ZFP14: variants seen among roughly 807,000 people sequenced by gnomAD.
The protein encoded by ZFP14 is zinc finger protein 14 homolog.
ZFP14 carries 22 observed loss-of-function variants against 54.5 expected under a neutral mutation model. That is an observed-to-expected ratio of 0.40 (90% confidence interval 0.29 to 0.58). The LOEUF (loss-of-function observed/expected upper bound fraction) is 0.58, where lower values mean the gene tolerates loss of function less well. Among genes scored for constraint, ZFP14 ranks in the 20% least tolerant of loss-of-function variants. ZFP14 has a pLI of 0.39. For synonymous variants in ZFP14, 159 were observed against 204.0 expected, an observed-to-expected ratio of 0.78 and a Z score of 1.88; for missense variants, 470 against 637.8, an observed-to-expected ratio of 0.74 and a Z score of 2.83.
Position 36,337,646 on chromosome 19 carries a change from G to C in ZFP14, c.*2578C>G, listed in dbSNP as rs2031229236. On this transcript the variant is annotated 3_prime_UTR_variant, in exon 5 of 5. Transcript: ENST00000270001. ...GGAACCAATTCCCCATGGATACCAA[G>C]GGATGACCATATACTGTTCATCTAG... 1 of 152,132 alleles carries C rather than the reference G, an allele frequency of 6.6e-6. No homozygotes were observed. The highest frequency in any genetic ancestry group is 2.4e-5 in the African/African-American group (1 of 41,424). 9.4% of individuals were successfully genotyped at this position (152,132 alleles called of 1,614,324 possible). A position where few individuals can be genotyped will look rare whatever the true frequency, so the allele number is the denominator to read the frequency against.
intron 1 of ZFP14, among the ~76,000 whole-genome samples, chr19:36,370,326 G>A (rs184388223): frequency 1.1e-3 from 168 of 152,190 alleles, no homozygotes; most frequent in South Asian, 7.7e-3. Flanking sequence ...CTAACACCAG[G>A]CCCGCCATAG....
chr19:36,354,127 C>T (rs2031575318), intron 4 of ZFP14, among the ~76,000 whole-genome samples: 2 of 134,606 alleles, frequency 1.5e-5, no homozygotes, highest in African/African-American at 5.5e-5. Context: ...AATCCCAACA[C>T]TTTGGGAGGC....
At chr19:36,343,160 G>A (rs1439874133) in intron 4 of ZFP14, among the ~76,000 whole-genome samples, 1 of 152,162 alleles carries the variant, frequency 6.6e-6, no homozygotes, top group Admixed American at 6.5e-5. Flanking sequence ...CCATCTATAG[G>A]ACAAAGTCCT....
intron 4 of ZFP14, among the ~76,000 whole-genome samples, chr19:36,345,074 C>T (rs182280221): frequency 6.6e-6 from 1 of 152,134 alleles, no homozygotes; most frequent in Non-Finnish European, 1.5e-5. Flanking sequence ...ACAGCCTGAC[C>T]CACTTGGAGA....
At position 36,340,635 on chromosome 19, in the gene ZFP14, T is replaced by C; in HGVS notation, c.1191A>G (p.Glu397=). 6.2e-7 allele frequency: 1 copy of C among 1,614,082 alleles called. No homozygotes were observed. Among genetic ancestry groups the C allele is most frequent in the Non-Finnish European group, 8.5e-7 (1 of 1,180,010 alleles). ...QRIHTREKPY[E]CMECWKTFSS... ...TAAAGGTCTTCCAACATTCCATACA[T>C]TCATAGGGTTTCTCACGAGTATGTA... is the stretch of plus-strand genomic sequence containing the variant. Residue 397 remains glutamate (E), a synonymous_variant, in exon 5 of 5, where the codon GAA becomes GAG. Transcript: ENST00000270001. The surrounding 1 kb of genome is among the most constrained non-coding windows in gnomAD (Gnocchi z 5.4).
At chr19:36,378,976 C>G (rs1172876668) in intron 1 of ZFP14, 187 bp downstream of exon 1, 1 of 152,322 alleles carries the variant, frequency 6.6e-6, no homozygotes. Context: ...CTGTATCTAA[C>G]TCGGAGCCAT....
intron 4 of ZFP14, among the ~76,000 whole-genome samples, chr19:36,352,940 CAA>C (rs35784696): frequency 2.3e-4 from 22 of 93,810 alleles, no homozygotes; most frequent in Non-Finnish European, 2.2e-4. Flanking sequence ...GACTCTGTCT[CAA>C]AAAAAAAAAA....
intron 1 of ZFP14, among the ~76,000 whole-genome samples, chr19:36,371,011 C>T (rs1163361821): frequency 2.6e-5 from 4 of 152,156 alleles, no homozygotes; most frequent in Non-Finnish European, 5.9e-5. Context: ...ACTTGTAATC[C>T]CAGCACTTTG....
rs2031277048 is a variant in ZFP14 at position 36,339,853 on chromosome 19, G to A, written c.*371C>T. On this transcript the variant is annotated 3_prime_UTR_variant, in exon 5 of 5. Transcript: ENST00000270001. Reference sequence around the variant, plus strand: ...ATTATATGTTATTTTATGCTACTAAGTCTGTGGTAATTTATTACGCAGCAA... The same window carrying A: ...ATTATATGTTATTTTATGCTACTAAATCTGTGGTAATTTATTACGCAGCAA... 1.8e-5 allele frequency: 3 copies of A among 165,536 alleles called. No homozygotes were observed. Among genetic ancestry groups the A allele is most frequent in the Admixed American group, 1.7e-4 (3 of 17,188 alleles). The allele number at this position is 165,536 out of a possible 1,614,324, so 10.3% of individuals were successfully genotyped here. A position where few individuals can be genotyped will look rare whatever the true frequency, so the allele number is the denominator to read the frequency against.
At chr19:36,369,290 C>T (rs1200131152) in intron 1 of ZFP14, among the ~76,000 whole-genome samples, 2 of 152,190 alleles carry the variant, frequency 1.3e-5, no homozygotes, top group Non-Finnish European at 2.9e-5. Flanking sequence ...GTAGTGCTCT[C>T]CTTTTAATAG....
chr19:36,376,274 A>C (rs756205507), intron 1 of ZFP14, among the ~76,000 whole-genome samples: 1 of 152,060 alleles, frequency 6.6e-6, no homozygotes, highest in Non-Finnish European at 1.5e-5. Flanking sequence ...TATTTTTAAA[A>C]TTCTACTCAG....
intron 2 of ZFP14, among the ~76,000 whole-genome samples, chr19:36,364,912 A>T (rs2031767420): frequency 6.7e-6 from 1 of 149,572 alleles, no homozygotes; most frequent in Non-Finnish European, 1.5e-5. Flanking sequence ...TTAACCAGGT[A>T]CCTATTTTCC....
At position 36,338,073 on chromosome 19, in the gene ZFP14, C is replaced by T. The variant is rs1212725732; in HGVS notation, c.*2151G>A. ...CTGGAGTGCAGTGGCACGATCTCAG[C>T]TCACTGCAAACTCTGCCTCTTGGGT... On this transcript the variant is annotated 3_prime_UTR_variant, in exon 5 of 5. Transcript: ENST00000270001. The T allele has an allele frequency of 1.3e-5, 2 of 152,214 alleles. No homozygotes were observed. Among genetic ancestry groups the T allele is most frequent in the Non-Finnish European group, 2.9e-5 (2 of 68,072 alleles). The allele number at this position is 152,214 out of a possible 1,614,324, so 9.4% of individuals were successfully genotyped here.
In ZFP14 at chr19:36,350,906, C is replaced by G. The variant is rs956070895; in HGVS notation, c.236-9316G>C. On this transcript the variant is annotated intron_variant, in intron 4 of 4. Transcript: ENST00000270001. ...TTTGCTAAGAGAAAATAACTGCCAA[C>G]TCAGAATTCTATTCTCCACAAAAAT... 2.1e-5 allele frequency among the ~76,000 whole-genome samples: 3 copies of G among 143,006 alleles called. 1 individual carries two copies. In the Admixed American group the frequency reaches 2.2e-4, roughly 10 times the overall value. 93.8% of individuals were successfully genotyped at this position (143,006 alleles called of 152,430 possible). A position where few individuals can be genotyped will look rare whatever the true frequency, so the allele number is the denominator to read the frequency against.
At chr19:36,368,657 T>TGAATCCTGCCCCTA (rs2031832938) in intron 1 of ZFP14, among the ~76,000 whole-genome samples, 1 of 152,090 alleles carries the variant, frequency 6.6e-6, no homozygotes, top group South Asian at 2.1e-4. Flanking sequence ...AGAAGGGCCC[T>TGAATCCTGCCCCTA]GAATCCTGCC....
intron 2 of ZFP14, among the ~76,000 whole-genome samples, chr19:36,367,305 A>G (rs1419641249): frequency 6.6e-6 from 1 of 152,202 alleles, no homozygotes; most frequent in South Asian, 2.1e-4. Context: ...TGTTAACAGG[A>G]GGACATTCTG....
intron 4 of ZFP14, among the ~76,000 whole-genome samples, chr19:36,351,981 A>AG (rs1172710859): frequency 7.0e-6 from 1 of 143,270 alleles, no homozygotes; most frequent in Admixed American, 7.1e-5. Flanking sequence ...CAGGATATCG[A>AG]GACCATCCTG....
rs10401909 is a variant in ZFP14, at chr19:36,344,710, A to C, written c.236-3120T>G. Among the ~76,000 whole-genome samples the C allele has an allele frequency of 3.7e-3, 564 of 152,062 alleles. 1 individual carries two copies. Among genetic ancestry groups the C allele is most frequent in the African/African-American group, 0.013 (539 of 41,484 alleles). ...TGACTAGATTCTCATAGGAGCGTGA[A>C]CCTTATTGTGAACTGTGTATGCGAG... On this transcript the variant is annotated intron_variant, in intron 4 of 4. Transcript: ENST00000270001.
chr19:36,345,295 C>G (rs78989438), intron 4 of ZFP14, among the ~76,000 whole-genome samples: 1 of 152,104 alleles, frequency 6.6e-6, no homozygotes, highest in Non-Finnish European at 1.5e-5. Flanking sequence ...CCTTCATATC[C>G]TCCCCATGTG....
Sources: allele counts gnomAD v4.1 joint callset (sites outside exome capture counted in the v4.1 genomes callset), GRCh38; gene constraint gnomAD v4.1.1; non-coding constraint Gnocchi (gnomAD v3.1); transcripts MANE v1.5; gene names NCBI Gene and HGNC (gene_info 2026-07-23, HGNC 2026-07-21).